Variants in GREP1 observed in about 807,000 individuals in gnomAD.
GREP1 encodes the protein glycine rich extracellular protein 1.
intron 20 of GREP1, 91 bp downstream of exon 19, chr16:2,996,796 C>T (rs1481041155): frequency 5.0e-6 from 2 of 398,780 alleles, no homozygotes; most frequent in East Asian, 7.1e-5. Flanking sequence ...GAGGGGTGAC[C>T]CCTGCCTCAT....
intron 5 of GREP1, chr16:2,990,324 C>T (rs982342793): frequency 3.8e-5 from 15 of 398,186 alleles, no homozygotes; most frequent in Non-Finnish European, 5.7e-5. Flanking sequence ...CTCTCTCCCA[C>T]GAGCCCTTCC....
At chr16:2,997,058 T>C (rs2072428684) in exon 21 of GREP1, 2 of 398,954 alleles carry the variant, frequency 5.0e-6, no homozygotes, top group Non-Finnish European at 8.8e-6. Context: ...ACCAGGCTAT[T>C]TGGGGGTTAT....
At chr16:2,994,517 TA>T (rs1278218879) in intron 10 of GREP1, 180 bp from the exon 12 acceptor site, 11 of 392,338 alleles carry the variant, frequency 2.8e-5, no homozygotes, top group Admixed American at 4.5e-5. Flanking sequence ...CTCAAGAAAA[TA>T]AAAAAAAGAG....
exon 33 of GREP1, chr16:3,000,723 G>C (rs2072456856): frequency 2.5e-6 from 1 of 398,900 alleles, no homozygotes; most frequent in African/African-American, 2.1e-5. Context: ...GGGCAGGCCG[G>C]GGTGCTGTGG....
At chr16:2,988,590 G>C (rs1396518874) in exon 2 of GREP1, 1 of 399,096 alleles carries the variant, frequency 2.5e-6, no homozygotes, top group Admixed American at 4.4e-5. Flanking sequence ...GCTTCCGCAG[G>C]GCTGCCCCTT....
Position 3,000,078 on chromosome 16 carries a change from TCCCCCA to T in GREP1, c.1232-7_1232-2del. ...CCCATCTCTGAGTCACAGTTTTCTC[TCCCCCA>T]GGTTTTAATGGTGGCCTCGAGCCAC... On this transcript the variant is annotated splice_acceptor_variant and splice_polypyrimidine_tract_variant and intron_variant, in intron 28 of 34. Coordinates refer to ENST00000573315, the Ensembl canonical transcript of GREP1. LOFTEE classifies it high-confidence loss of function. 5.0e-6 allele frequency: 2 copies of T among 398,872 alleles called. No individual in the cohort carries two copies. Among genetic ancestry groups the T allele is most frequent in the Non-Finnish European group, 8.8e-6 (2 of 226,048 alleles). 24.7% of individuals were successfully genotyped at this position (398,872 alleles called of 1,614,324 possible).
chr16:3,001,122 T>G (rs1859378), intron 33 of GREP1, among the ~76,000 whole-genome samples, 159 bp from the exon 28 acceptor site: 1 of 151,848 alleles, frequency 6.6e-6, no homozygotes, highest in South Asian at 2.1e-4. Context: ...CAGTTCTCCA[T>G]ACTCTGTCCC....
chr16:2,998,925 G>A lies in GREP1; in HGVS notation c.1090G>A (p.Gly364Ser), dbSNP rs1481052518. The change falls in exon 26 of 35, where the codon GGC (glycine) becomes AGC (serine). Residue 364 changes from glycine (G) to serine (S), a missense_variant. Coordinates refer to ENST00000573315, the Ensembl canonical transcript of GREP1. ...AGGGGTCCCTTCGGACAAAGAGGGT[G>A]GCTGGGGCCTGAAATCCCAGCCCCC... The A allele has an allele frequency of 2.5e-5, 10 of 399,138 alleles. No homozygotes were observed. The Admixed American group carries it at 3.5e-4, about 14-fold the overall frequency. The allele number at this position is 399,138 out of a possible 1,614,324, so 24.7% of individuals were successfully genotyped here.
At chr16:3,001,909 G>T (rs993929722) in exon 35 of GREP1, 3 of 344,328 alleles carry the variant, frequency 8.7e-6, no homozygotes, top group African/African-American at 6.3e-5. Context: ...TGACCGCCTA[G>T]CGGGGGAACC....
chr16:3,000,630 C>A (rs1042533328), intron 32 of GREP1, 84 bp from the exon 27 acceptor site: 28 of 398,816 alleles, frequency 7.0e-5, no homozygotes, highest in African/African-American at 5.3e-4. Flanking sequence ...AATGAGCCTT[C>A]TGGGAGCAGA....
Position 2,989,897 on chromosome 16 carries a change from G to C in GREP1, c.131-77G>C, listed in dbSNP as rs2072389894. The C allele has an allele frequency of 2.5e-6, 1 of 398,792 alleles. No homozygotes were observed. Among genetic ancestry groups the C allele is most frequent in the South Asian group, 1.3e-4 (1 of 7,802 alleles). The allele number at this position is 398,792 out of a possible 1,614,324, so 24.7% of individuals were successfully genotyped here. A position where few individuals can be genotyped will look rare whatever the true frequency, so the allele number is the denominator to read the frequency against. On this transcript the variant is annotated intron_variant, in intron 3 of 34. Coordinates refer to ENST00000573315, the Ensembl canonical transcript of GREP1. The surrounding 1 kb of genome is among the most constrained non-coding windows in gnomAD (Gnocchi z 4.2). Reference sequence around the variant, plus strand: ...CTGAGTTCCCACAGGCCCACTGCTTGGATAGGCTGTGGGCCAGGTGTGGGG... The same window carrying C: ...CTGAGTTCCCACAGGCCCACTGCTTCGATAGGCTGTGGGCCAGGTGTGGGG...
rs552606153 is a variant in GREP1, at chr16:3,001,740, T to C, written c.*154T>C. 8 of 398,030 alleles carry C rather than the reference T, an allele frequency of 2.0e-5. No individual in the cohort carries two copies. In the East Asian group the frequency reaches 2.8e-4, roughly 14 times the overall value. 24.7% of individuals were successfully genotyped at this position (398,030 alleles called of 1,614,324 possible). ...CATGCAAGGGGCTTGCTGACCAGGGTGGGAGTGGCATGGGCCTGCAGCCAC... is the reference window on the plus strand; with the variant it reads ...CATGCAAGGGGCTTGCTGACCAGGGCGGGAGTGGCATGGGCCTGCAGCCAC... On this transcript the variant is annotated 3_prime_UTR_variant, in exon 35 of 35. Coordinates refer to ENST00000573315, the Ensembl canonical transcript of GREP1.
chr16:3,000,769 C>T (rs947438839), exon 33 of GREP1: 4 of 398,900 alleles, frequency 1.0e-5, no homozygotes, highest in Admixed American at 4.4e-5. Flanking sequence ...CCTGGGGGGC[C>T]GGCTTGAAGC....
chr16:2,999,536 A>G (rs1388401614), intron 27 of GREP1, among the ~76,000 whole-genome samples: 10 of 138,044 alleles, frequency 7.2e-5, no homozygotes, highest in Middle Eastern at 4.6e-3. Context: ...CCAGGCTGGA[A>G]TGCAGTGGTG....
chr16:2,988,780 G>A (rs2072384096), intron 2 of GREP1, among the ~76,000 whole-genome samples, 158 bp downstream of exon 2: 1 of 152,186 alleles, frequency 6.6e-6, no homozygotes, highest in Non-Finnish European at 1.5e-5. Flanking sequence ...CCACTCAAGG[G>A]TGGGGAGCAC....
intron 20 of GREP1, 91 bp downstream of exon 19, chr16:2,996,796 C>A (rs1481041155): frequency 5.0e-6 from 2 of 398,662 alleles, no homozygotes; most frequent in East Asian, 7.1e-5. Context: ...GAGGGGTGAC[C>A]CCTGCCTCAT....
intron 25 of GREP1, 29 bp from the exon 24 acceptor site, chr16:2,998,819 C>A (rs2072442306): frequency 2.5e-6 from 1 of 399,114 alleles, no homozygotes; most frequent in Non-Finnish European, 4.4e-6. Flanking sequence ...TGGAGCATAG[C>A]CCCACCCCTC....
exon 21 of GREP1, chr16:2,997,009 G>A: frequency 2.5e-6 from 1 of 399,214 alleles, no homozygotes; most frequent in East Asian, 3.6e-5. Flanking sequence ...GAGGTCCAGA[G>A]CGGAGGCCTT....
intron 29 of GREP1, 34 bp downstream of exon 26, chr16:3,000,152 C>T (rs1269554227): frequency 1.3e-5 from 5 of 399,046 alleles, no homozygotes; most frequent in South Asian, 1.3e-4. Context: ...CCATGTTGAG[C>T]GGAAGCTGGC....
Sources: gnomAD v4.1 joint callset for allele counts (sites outside exome capture counted in the v4.1 genomes callset) on GRCh38, gnomAD v4.1.1 for gene constraint, Gnocchi (gnomAD v3.1) non-coding constraint, MANE v1.5 for transcripts, NCBI Gene and HGNC (gene_info 2026-07-23, HGNC 2026-07-21) for gene names.